Variants in SLC35D4 observed in about 807,000 individuals in gnomAD.
SLC35D4 encodes the protein UDP-N-acetylglucosamine transporter SLC35D4.
chr18:23,273,942 A>AT, the SLC35D4 span, among the ~76,000 whole-genome samples: 51 of 151,532 alleles, frequency 3.4e-4, no homozygotes, highest in South Asian at 8.4e-4. Context: ...TTTTTATTTT[A>AT]TTTTTTTTGC....
chr18:23,434,933 G>A, the SLC35D4 span, among the ~76,000 whole-genome samples: 10 of 152,058 alleles, frequency 6.6e-5, no homozygotes, highest in African/African-American at 2.4e-4. Flanking sequence ...TGAGGTGGGC[G>A]GATCACCTGA....
the SLC35D4 span, among the ~76,000 whole-genome samples, chr18:23,244,942 G>C: frequency 7.9e-5 from 12 of 152,236 alleles, no homozygotes; most frequent in Non-Finnish European, 1.8e-4. Flanking sequence ...AAATGAAGGA[G>C]GCCGGAGCTT....
the SLC35D4 span, chr18:23,253,205 G>C: frequency 1.6e-6 from 1 of 609,714 alleles, no homozygotes; most frequent in Non-Finnish European, 3.0e-6. Context: ...AAGGACAGCC[G>C]GGCATGGTGG....
the SLC35D4 span, among the ~76,000 whole-genome samples, chr18:23,280,964 C>T: frequency 2.0e-5 from 3 of 152,130 alleles, no homozygotes; most frequent in South Asian, 4.1e-4. Flanking sequence ...TCCCCACCCC[C>T]AGGTAGGGAA....
At chr18:23,384,663 T>A in the SLC35D4 span, among the ~76,000 whole-genome samples, 1 of 152,234 alleles carries the variant, frequency 6.6e-6, no homozygotes, top group African/African-American at 2.4e-5. Flanking sequence ...AAAACTCTGC[T>A]ACGCCTTGTC....
At chr18:23,321,483 G>T in the SLC35D4 span, among the ~76,000 whole-genome samples, 1 of 151,910 alleles carries the variant, frequency 6.6e-6, no homozygotes, top group Non-Finnish European at 1.5e-5. Context: ...TTGAGACAGG[G>T]TCTTGCTCTG....
the SLC35D4 span, among the ~76,000 whole-genome samples, chr18:23,287,052 C>T: frequency 5.3e-5 from 8 of 151,572 alleles, 1 homozygote; most frequent in Non-Finnish European, 1.2e-4. Context: ...ATATCCCATC[C>T]CACAGCATGC....
chr18:23,262,773 T>TCACAAAG, the SLC35D4 span, among the ~76,000 whole-genome samples: 2 of 152,186 alleles, frequency 1.3e-5, no homozygotes, highest in African/African-American at 2.4e-5. Context: ...AGTACACAGA[T>TCACAAAG]CACAAAGTGG....
chr18:23,330,337 C>CT, the SLC35D4 span, among the ~76,000 whole-genome samples: 2 of 151,814 alleles, frequency 1.3e-5, no homozygotes, highest in South Asian at 2.1e-4. Flanking sequence ...GTCCCATAAG[C>CT]TTTTTTTTCA....
chr18:23,295,528 AAAC>A, the SLC35D4 span, among the ~76,000 whole-genome samples: 4 of 152,210 alleles, frequency 2.6e-5, no homozygotes, highest in South Asian at 4.2e-4. Context: ...AAACAAGACA[AAAC>A]AACAACAACA....
At chr18:23,410,321 C>CA in the SLC35D4 span, among the ~76,000 whole-genome samples, 3 of 151,514 alleles carry the variant, frequency 2.0e-5, no homozygotes, top group South Asian at 2.1e-4. Context: ...ACTAAAAATA[C>CA]AAAAAATTAT....
the SLC35D4 span, among the ~76,000 whole-genome samples, chr18:23,281,405 C>G: frequency 6.6e-6 from 1 of 152,162 alleles, no homozygotes. Flanking sequence ...TCACTGCAGC[C>G]TTGACCTCCT....
chr18:23,393,700 C>T, the SLC35D4 span, among the ~76,000 whole-genome samples: 1 of 152,132 alleles, frequency 6.6e-6, no homozygotes, highest in Admixed American at 6.5e-5. Context: ...TCACTGCAAC[C>T]TCTGCCTCCT....
chr18:23,367,508 G>T, the SLC35D4 span, among the ~76,000 whole-genome samples: 1 of 152,104 alleles, frequency 6.6e-6, no homozygotes, highest in South Asian at 2.1e-4. Flanking sequence ...ATGGGAGGGT[G>T]CCAAAGATGA....
the SLC35D4 span, chr18:23,296,096 G>A: frequency 1.3e-5 from 2 of 152,100 alleles, no homozygotes; most frequent in African/African-American, 2.4e-5. Context: ...CCTGTCAGGG[G>A]ATGGAGGGCT....
chr18:23,291,240 G>A, the SLC35D4 span, among the ~76,000 whole-genome samples: 9 of 152,214 alleles, frequency 5.9e-5, no homozygotes, highest in Non-Finnish European at 1.3e-4. Flanking sequence ...AGTCTAGACA[G>A]GGGAGGGGCT....
At chr18:23,328,603 C>A in the SLC35D4 span, among the ~76,000 whole-genome samples, 3 of 152,082 alleles carry the variant, frequency 2.0e-5, no homozygotes, top group Admixed American at 6.5e-5. Context: ...TAGGAAGAAT[C>A]AATATCGTGA....
chr18:23,388,115 A>G, the SLC35D4 span, among the ~76,000 whole-genome samples: 1 of 152,264 alleles, frequency 6.6e-6, no homozygotes, highest in East Asian at 1.9e-4. Context: ...TGGCTATAAA[A>G]TCAGTAATGA....
At chr18:23,428,317 A>G in the SLC35D4 span, among the ~76,000 whole-genome samples, 1 of 152,200 alleles carries the variant, frequency 6.6e-6, no homozygotes, top group Non-Finnish European at 1.5e-5. Context: ...ACCTTGATGA[A>G]TAATCTAAAA....
Sources: gnomAD v4.1 joint callset for allele counts (sites outside exome capture counted in the v4.1 genomes callset) on GRCh38, gnomAD v4.1.1 for gene constraint, MANE v1.5 for transcripts, NCBI Gene and HGNC (gene_info 2026-07-23, HGNC 2026-07-21) for gene names.